FAM110B: variants seen among roughly 807,000 people sequenced by gnomAD.
FAM110B encodes family with sequence similarity 110 member B.
A neutral mutation model predicts 20.4 loss-of-function variants in FAM110B; 6 were observed. That is an observed-to-expected ratio of 0.29 (90% CI 0.16 to 0.58). FAM110B has a LOEUF of 0.58. Ranked by LOEUF, FAM110B falls within the 20% of genes least tolerant of loss-of-function variation. FAM110B has a pLI of 0.90. For missense variants in FAM110B, 434 were observed against 498.2 expected, an observed-to-expected ratio of 0.87 and a Z score of 1.23; for synonymous variants, 226 against 214.1, an observed-to-expected ratio of 1.06 and a Z score of -0.49.
At chr8:57,997,268 A>G (rs1004393034) in intron 1 of FAM110B, among the ~76,000 whole-genome samples, 5 of 152,130 alleles carry the variant, frequency 3.3e-5, no homozygotes, top group Non-Finnish European at 7.4e-5. Flanking sequence ...ACTCTTACCA[A>G]CCAGACACTG....
chr8:58,086,111 A>G (rs762436404), intron 3 of FAM110B, among the ~76,000 whole-genome samples: 17 of 152,158 alleles, frequency 1.1e-4, no homozygotes, highest in African/African-American at 3.1e-4. Context: ...TTCATCACCT[A>G]TGTACAGTGG....
intron 3 of FAM110B, among the ~76,000 whole-genome samples, chr8:58,140,921 C>T (rs1275834826): frequency 6.6e-6 from 1 of 152,174 alleles, no homozygotes; most frequent in East Asian, 1.9e-4. Context: ...CATTTTGAAT[C>T]TTTTTTTTAA....
At chr8:58,075,223 A>T (rs976198178) in intron 2 of FAM110B, among the ~76,000 whole-genome samples, 2 of 148,980 alleles carry the variant, frequency 1.3e-5, no homozygotes, top group Non-Finnish European at 3.0e-5. Flanking sequence ...CTTGTGCCTC[A>T]GCCTCCCGAG....
chr8:58,110,008 G>C (rs889703974), intron 3 of FAM110B, among the ~76,000 whole-genome samples: 18 of 152,140 alleles, frequency 1.2e-4, no homozygotes, highest in African/African-American at 4.3e-4. Context: ...TTCCATCACT[G>C]TCTATAAACA....
intron 3 of FAM110B, among the ~76,000 whole-genome samples, chr8:58,115,462 C>T (rs1807181503): frequency 6.6e-6 from 1 of 151,974 alleles, no homozygotes; most frequent in African/African-American, 2.4e-5. Context: ...GGCACAATCT[C>T]GGCTCACTGC....
intron 2 of FAM110B, among the ~76,000 whole-genome samples, chr8:58,066,746 G>A (rs891183550): frequency 2.6e-5 from 4 of 152,140 alleles, no homozygotes; most frequent in African/African-American, 7.2e-5. Flanking sequence ...GGAGCGGATC[G>A]TTGGTTTCTC....
At chr8:58,133,211 T>G (rs1322107141) in intron 3 of FAM110B, among the ~76,000 whole-genome samples, 2 of 151,904 alleles carry the variant, frequency 1.3e-5, no homozygotes, top group Non-Finnish European at 2.9e-5. Flanking sequence ...TTTTGTTTTT[T>G]TTTTTTTTCT....
rs140762020 is a variant in FAM110B, at chr8:58,147,232, C to T, written c.1002C>T (p.Ala334=). The T allele has an allele frequency of 2.2e-5, 35 of 1,614,022 alleles. No homozygotes were observed. The African/African-American group carries it at 4.0e-4, about 18-fold the overall frequency. ...GTGACCTTAGAAATGATGACAGTGC[C>T]AATGACCGCGTGCCGTATGGCATTT... ...SNSDLRNDDS[A]NDRVPYGISA... Residue 334 remains alanine (A), a synonymous_variant, in exon 4 of 4, where the codon GCC becomes GCT. Coordinates refer to ENST00000519262, the MANE Select transcript of FAM110B (RefSeq NM_001377989.1).
chr8:58,059,476 A>AT (rs1429229375), intron 2 of FAM110B, among the ~76,000 whole-genome samples: 1 of 151,996 alleles, frequency 6.6e-6, no homozygotes, highest in African/African-American at 2.4e-5. Flanking sequence ...GTGTCTCATT[A>AT]TGTTTTTAAT....
intron 3 of FAM110B, among the ~76,000 whole-genome samples, chr8:58,132,964 A>G (rs564149371): frequency 1.3e-5 from 2 of 152,332 alleles, no homozygotes; most frequent in East Asian, 3.9e-4. Context: ...TGAGAAGCTT[A>G]AATGTTAATC....
Position 58,146,557 on chromosome 8 carries a change from C to T in FAM110B, c.327C>T (p.Ser109=), listed in dbSNP as rs770044019. 3.7e-6 allele frequency: 6 copies of T among 1,614,010 alleles called. No homozygotes were observed. Among genetic ancestry groups the T allele is most frequent in the African/African-American group, 1.3e-5 (1 of 75,064 alleles). ...KVFGNHAKTE[S]GVQRENLKLE... ...TCGGCAACCACGCCAAGACCGAGAG[C>T]GGCGTGCAGAGGGAGAACCTGAAGC... Residue 109 remains serine (S), a synonymous_variant, in exon 4 of 4, where the codon AGC becomes AGT. Transcript: ENST00000519262.
At chr8:58,037,772 G>A (rs1471139207) in intron 2 of FAM110B, among the ~76,000 whole-genome samples, 1 of 152,062 alleles carries the variant, frequency 6.6e-6, no homozygotes, top group Non-Finnish European at 1.5e-5. Flanking sequence ...ACTGTCTTTG[G>A]CAATGTTTTC....
intron 3 of FAM110B, among the ~76,000 whole-genome samples, chr8:58,083,436 T>G (rs1228512813): frequency 1.3e-5 from 2 of 152,230 alleles, no homozygotes; most frequent in Non-Finnish European, 2.9e-5. Flanking sequence ...TCTCCTCAAC[T>G]GCGTTTAAAA....
chr8:58,053,808 T>A (rs905073021), intron 2 of FAM110B, among the ~76,000 whole-genome samples: 1 of 152,196 alleles, frequency 6.6e-6, no homozygotes, highest in African/African-American at 2.4e-5. Flanking sequence ...ACTTAAAAAA[T>A]TTTTCTGTTT....
intron 3 of FAM110B, among the ~76,000 whole-genome samples, chr8:58,135,080 T>C (rs1803578127): frequency 6.6e-6 from 1 of 152,244 alleles, no homozygotes; most frequent in Admixed American, 6.5e-5. Flanking sequence ...AACACTGTGA[T>C]AAGGTGGGGT....
chr8:58,052,947 G>A (rs112597002), intron 2 of FAM110B, among the ~76,000 whole-genome samples: 7,653 of 147,886 alleles, frequency 0.052, 308 homozygotes, highest in African/African-American at 0.1. Context: ...TACCACGCCC[G>A]GCTAATTTTT....
chr8:58,116,221 C>T (rs1807209184), intron 3 of FAM110B, among the ~76,000 whole-genome samples: 1 of 152,226 alleles, frequency 6.6e-6, no homozygotes, highest in African/African-American at 2.4e-5. Context: ...AGCCTGTTAA[C>T]TGTTTCCTGC....
intron 3 of FAM110B, among the ~76,000 whole-genome samples, chr8:58,138,893 A>G (rs529212647): frequency 1.3e-5 from 2 of 152,264 alleles, no homozygotes; most frequent in South Asian, 2.1e-4. Flanking sequence ...ATCTGTAAAA[A>G]CGTTAGAAGG....
At chr8:58,142,372 G>A (rs1349191087) in intron 3 of FAM110B, among the ~76,000 whole-genome samples, 1 of 152,198 alleles carries the variant, frequency 6.6e-6, no homozygotes, top group East Asian at 1.9e-4. Context: ...TGTGCTTTAA[G>A]GAGATCCTTG....
Sources: gnomAD v4.1 joint callset for allele counts (sites outside exome capture counted in the v4.1 genomes callset) on GRCh38, gnomAD v4.1.1 for gene constraint, MANE v1.5 for transcripts, NCBI Gene and HGNC (gene_info 2026-07-23, HGNC 2026-07-21) for gene names.